Variants in PCDHGA9 observed in about 807,000 individuals in gnomAD.
PCDHGA9 encodes protocadherin gamma subfamily A, 9.
Under a neutral mutation model 62.5 loss-of-function variants are expected in PCDHGA9, and 37 were observed. That is an observed-to-expected ratio of 0.59 (90% confidence interval 0.46 to 0.78). The LOEUF (loss-of-function observed/expected upper bound fraction) is 0.78, where lower values mean the gene tolerates loss of function less well. Ranked by LOEUF, PCDHGA9 falls within the 30% of genes least tolerant of loss-of-function variation. The pLI, the probability that PCDHGA9 is intolerant of heterozygous loss-of-function variation, is 0.00. For synonymous variants in PCDHGA9, 459 were observed against 484.6 expected (o/e 0.95, Z 0.69); for missense variants, 1,138 against 1,166.2 (o/e 0.98, Z 0.35).
chr5:141,469,881 G>A (rs922510082), intron 1 of PCDHGA9, among the ~76,000 whole-genome samples: 11 of 152,056 alleles, frequency 7.2e-5, no homozygotes, highest in Admixed American at 3.3e-4. Context: ...CTGTAATCTC[G>A]GCACTTTGGG....
At position 141,477,492 on chromosome 5, in the gene PCDHGA9, A is replaced by T; in HGVS notation, c.2425-17315A>T. ...AATGACAACCCTCCACAATCTTCTC[A>T]ATCTTCCTACGACGTTTACATTGAA... On this transcript the variant is annotated intron_variant, in intron 1 of 3. Coordinates refer to ENST00000573521, the MANE Select transcript of PCDHGA9 (RefSeq NM_018921.3). The surrounding 1 kb of genome is among the most constrained non-coding windows in gnomAD (Gnocchi z 4.9). The T allele has an allele frequency of 6.2e-7, 1 of 1,613,980 alleles. No individual in the cohort carries two copies. The highest frequency in any genetic ancestry group is 8.5e-7 in the Non-Finnish European group (1 of 1,179,958).
At chr5:141,474,215 A>G (rs1393533136) in intron 1 of PCDHGA9, among the ~76,000 whole-genome samples, 1 of 152,216 alleles carries the variant, frequency 6.6e-6, no homozygotes, top group East Asian at 1.9e-4. Context: ...CAAAAACCAG[A>G]TTGTGAATTA....
chr5:141,455,753 G>T (rs2098830630), intron 1 of PCDHGA9, among the ~76,000 whole-genome samples: 1 of 152,074 alleles, frequency 6.6e-6, no homozygotes, highest in Non-Finnish European at 1.5e-5. Flanking sequence ...TGCTGGCCTG[G>T]CTCCTAGAGC....
intron 1 of PCDHGA9, chr5:141,410,023 C>A: frequency 6.2e-7 from 1 of 1,613,310 alleles, no homozygotes; most frequent in South Asian, 1.1e-5. Context: ...TGTCCTACCA[C>A]GTGCTGCAGG....
At position 141,432,325 on chromosome 5, in the gene PCDHGA9, C is replaced by T. The variant is rs752180978; in HGVS notation, c.2424+26949C>T. ...TGTATGCGCTGAGCTCCTTCGACTACGAGCAGTTCCGAGACTTGCAAGTGA... is the reference window on the plus strand; with the variant it reads ...TGTATGCGCTGAGCTCCTTCGACTATGAGCAGTTCCGAGACTTGCAAGTGA... On this transcript the variant is annotated intron_variant, in intron 1 of 3. Coordinates refer to ENST00000573521, the MANE Select transcript of PCDHGA9 (RefSeq NM_018921.3). The surrounding 1 kb of genome is among the most constrained non-coding windows in gnomAD (Gnocchi z 6.0). 68 of 1,614,142 alleles carry T rather than the reference C, an allele frequency of 4.2e-5. No individual in the cohort carries two copies. Among genetic ancestry groups the T allele is most frequent in the Non-Finnish European group, 5.2e-5 (61 of 1,180,050 alleles).
At chr5:141,409,712 T>C (rs1049603081) in intron 1 of PCDHGA9, 5 of 1,613,122 alleles carry the variant, frequency 3.1e-6, no homozygotes, top group Non-Finnish European at 4.2e-6. Flanking sequence ...GGTGTCGTCA[T>C]ACGTGTCAGT....
chr5:141,485,172 C>T lies in PCDHGA9; in HGVS notation c.2425-9635C>T, dbSNP rs377648315. 3.9e-5 allele frequency: 62 copies of T among 1,610,044 alleles called. No individual in the cohort carries two copies. The highest frequency in any genetic ancestry group is 5.1e-5 in the Non-Finnish European group (60 of 1,176,944). On this transcript the variant is annotated intron_variant, in intron 1 of 3. Coordinates refer to ENST00000573521, the MANE Select transcript of PCDHGA9 (RefSeq NM_018921.3). The surrounding 1 kb of genome is among the most constrained non-coding windows in gnomAD (Gnocchi z 5.7). ...CAAGTAGAGAATTAGCGGGCGGCAGCAATGCTCCGCAAGGTGAGAAGCTGG... is the reference window on the plus strand; with the variant it reads ...CAAGTAGAGAATTAGCGGGCGGCAGTAATGCTCCGCAAGGTGAGAAGCTGG...
At chr5:141,508,815 C>T (rs1190983144) in intron 3 of PCDHGA9, among the ~76,000 whole-genome samples, 1 of 152,138 alleles carries the variant, frequency 6.6e-6, no homozygotes, top group East Asian at 1.9e-4. Context: ...TCTTTGAAGC[C>T]AGATCTGGGC....
In PCDHGA9 at chr5:141,476,012, T is replaced by C. The variant is rs2099383969; in HGVS notation, c.2425-18795T>C. The stretch of plus-strand genomic sequence containing the variant: ...CAAATCAACGGCATCCAGAAAGCCA[T>C]GTCGGACTCGGCGCCCAGCGCCCAA... On this transcript the variant is annotated intron_variant, in intron 1 of 3. Coordinates refer to ENST00000573521, the MANE Select transcript of PCDHGA9 (RefSeq NM_018921.3). This position sits in a 1 kb window ranked among gnomAD's most constrained non-coding sequence, Gnocchi z 7.6. 7.6e-7 allele frequency: 1 copy of C among 1,317,178 alleles called. No individual in the cohort carries two copies. The highest frequency in any genetic ancestry group is 1.4e-5 in the South Asian group (1 of 69,696). The allele number at this position is 1,317,178 out of a possible 1,614,324, so 81.6% of individuals were successfully genotyped here. A position where few individuals can be genotyped will look rare whatever the true frequency, so the allele number is the denominator to read the frequency against.
At chr5:141,502,978 G>T (rs1004984942) in intron 2 of PCDHGA9, among the ~76,000 whole-genome samples, 1 of 150,096 alleles carries the variant, frequency 6.7e-6, no homozygotes, top group Non-Finnish European at 1.5e-5. Context: ...CAAGTAGCTG[G>T]GATTACAGGC....
In PCDHGA9 at chr5:141,432,075, C is replaced by G. The variant is rs2097446801; in HGVS notation, c.2424+26699C>G. 2 of 1,614,086 alleles carry G rather than the reference C, an allele frequency of 1.2e-6. No individual in the cohort carries two copies. Among genetic ancestry groups the G allele is most frequent in the Non-Finnish European group, 1.7e-6 (2 of 1,180,054 alleles). ...CCCCTATCCACGGAAACTCATATCT[C>G]GCTGAACGTGGCAGACACCAACGAC... On this transcript the variant is annotated intron_variant, in intron 1 of 3. Transcript: ENST00000573521. This position sits in a 1 kb window ranked among gnomAD's most constrained non-coding sequence, Gnocchi z 6.0.
At chr5:141,462,271 G>C (rs2099036316) in intron 1 of PCDHGA9, among the ~76,000 whole-genome samples, 1 of 152,174 alleles carries the variant, frequency 6.6e-6, no homozygotes, top group African/African-American at 2.4e-5. Context: ...AAAGTGTATT[G>C]TTTAGTCACC....
In PCDHGA9 at chr5:141,418,244, C is replaced by T. The variant is rs746986702; in HGVS notation, c.2424+12868C>T. 1.3e-5 allele frequency: 21 copies of T among 1,613,980 alleles called. No individual in the cohort carries two copies. The South Asian group carries it at 2.2e-4, about 17-fold the overall frequency. ...TGTGGTGATTGAGGATGTTAATGAC[C>T]ACGCCCCTCAATTCCGGAAAGATGA... is the stretch of plus-strand genomic sequence containing the variant. On this transcript the variant is annotated intron_variant, in intron 1 of 3. Transcript: ENST00000573521.
rs73280920 is a variant in PCDHGA9 at position 141,453,809 on chromosome 5, A to G, written c.2425-40998A>G. Among the ~76,000 whole-genome samples, 1,254 of 152,338 alleles carry G rather than the reference A, an allele frequency of 8.2e-3. 17 individuals carry two copies. Among genetic ancestry groups the G allele is most frequent in the African/African-American group, 0.029 (1,191 of 41,572 alleles). On this transcript the variant is annotated intron_variant, in intron 1 of 3. Coordinates refer to ENST00000573521, the MANE Select transcript of PCDHGA9 (RefSeq NM_018921.3). ...GTATATTAACTTTGAGTAGTTCCATAAAGGACAAACTTGGCTGCTAGCCCT... is the reference window on the plus strand; with the variant it reads ...GTATATTAACTTTGAGTAGTTCCATGAAGGACAAACTTGGCTGCTAGCCCT...
chr5:141,404,942 A>G lies in PCDHGA9; in HGVS notation c.1990A>G (p.Ile664Val). Residue 664 changes from isoleucine (I) to valine (V), a missense_variant, in exon 1 of 4, where the codon ATA (isoleucine) becomes GTA (valine). By Grantham distance (29) the Ile-to-Val change is conservative. Coordinates refer to ENST00000573521, the MANE Select transcript of PCDHGA9 (RefSeq NM_018921.3). ...GGCCACTGTCACGCTCACAGTAGCC[A>G]TAGCTGACAGCATCCCAGACATCCT... ...LSATVTLTVAIADSIPDILAD... is the reference protein window; with the variant it reads ...LSATVTLTVAVADSIPDILAD... The G allele has an allele frequency of 1.2e-6, 2 of 1,613,982 alleles. No homozygotes were observed. The highest frequency in any genetic ancestry group is 1.1e-5 in the South Asian group (1 of 91,074).
chr5:141,422,040 C>A, intron 1 of PCDHGA9: 1 of 1,611,442 alleles, frequency 6.2e-7, no homozygotes, highest in Non-Finnish European at 8.5e-7. Context: ...CGGATCCAGA[C>A]GAGGGAATCA....
Position 141,490,618 on chromosome 5 carries a change from A to C in PCDHGA9, c.2425-4189A>C. The C allele has an allele frequency of 6.2e-7, 1 of 1,614,104 alleles. No homozygotes were observed. Among genetic ancestry groups the C allele is most frequent in the South Asian group, 1.1e-5 (1 of 91,080 alleles). ...ACCCCGCTTCAACCAGCAGCTTTAC[A>C]CTGCTTACATCCTAGAAAACCGGCC... On this transcript the variant is annotated intron_variant, in intron 1 of 3. Coordinates refer to ENST00000573521, the MANE Select transcript of PCDHGA9 (RefSeq NM_018921.3). This position sits in a 1 kb window ranked among gnomAD's most constrained non-coding sequence, Gnocchi z 5.4.
chr5:141,419,523 G>T (rs553587727), intron 1 of PCDHGA9: 21 of 1,612,086 alleles, frequency 1.3e-5, no homozygotes, highest in East Asian at 2.2e-5. Flanking sequence ...GTGGGCGACC[G>T]TAACGACAAC....
At position 141,487,570 on chromosome 5, in the gene PCDHGA9, T is replaced by A; in HGVS notation, c.2425-7237T>A. 6.2e-7 allele frequency: 1 copy of A among 1,614,178 alleles called. No homozygotes were observed. On this transcript the variant is annotated intron_variant, in intron 1 of 3. Transcript: ENST00000573521. The surrounding 1 kb of genome is among the most constrained non-coding windows in gnomAD (Gnocchi z 5.0). ...CCAGTGCACCTATGGCAGGGGAGCCTGTTCGCCCAAGCTGCCCACCCTCTG... is the reference window on the plus strand; with the variant it reads ...CCAGTGCACCTATGGCAGGGGAGCCAGTTCGCCCAAGCTGCCCACCCTCTG...
Sources: gnomAD v4.1 joint callset for allele counts (sites outside exome capture counted in the v4.1 genomes callset) on GRCh38, gnomAD v4.1.1 for gene constraint, Gnocchi (gnomAD v3.1) non-coding constraint, MANE v1.5 for transcripts, NCBI Gene and HGNC (gene_info 2026-07-23, HGNC 2026-07-21) for gene names.